The following BAZ2B variants were observed in gnomAD, a reference collection of about 807,000 sequenced individuals.
The protein encoded by BAZ2B is bromodomain adjacent to zinc finger domain protein 2B.
A neutral mutation model predicts 246.0 loss-of-function variants in BAZ2B; 91 were observed. The ratio of observed to expected loss-of-function variants is 0.37; its 90% CI spans 0.31 to 0.44. The LOEUF is 0.44. Ranked by LOEUF, BAZ2B falls within the 20% of genes least tolerant of loss-of-function variation. The pLI, the probability that BAZ2B is intolerant of heterozygous loss-of-function variation, is 1.00. For missense variants in BAZ2B, 2,332 were observed against 2,533.7 expected (o/e 0.92, Z 1.71); for synonymous variants, 855 against 860.0 (o/e 0.99, Z 0.10).
chr2:159,674,282 C>T, the BAZ2B span, among the ~76,000 whole-genome samples: 1 of 143,630 alleles, frequency 7.0e-6, no homozygotes, highest in African/African-American at 2.6e-5. Flanking sequence ...CTGCAGTAAG[C>T]TGTGATCACA....
At chr2:159,449,448 G>A (rs766019165) in intron 4 of BAZ2B, among the ~76,000 whole-genome samples, 4 of 152,086 alleles carry the variant, frequency 2.6e-5, no homozygotes, top group Non-Finnish European at 5.9e-5. Flanking sequence ...AAAATTGTCA[G>A]TCTTTATATT....
chr2:159,580,074 T>C (rs903006600), intron 1 of BAZ2B, among the ~76,000 whole-genome samples: 13 of 152,138 alleles, frequency 8.5e-5, no homozygotes, highest in African/African-American at 2.9e-4. Context: ...GCCAGGGCAA[T>C]CAGGCAGGAG....
chr2:159,382,892 CCTT>C (rs1559191513), intron 24 of BAZ2B, 90 bp from the exon 25 acceptor site: 30 of 1,471,836 alleles, frequency 2.0e-5, no homozygotes, highest in Non-Finnish European at 2.6e-5. Flanking sequence ...TGCAAAAATA[CCTT>C]ATGGCATTTC....
chr2:159,356,201 C>T (rs1042834695), intron 27 of BAZ2B, among the ~76,000 whole-genome samples: 1 of 152,118 alleles, frequency 6.6e-6, no homozygotes, highest in African/African-American at 2.4e-5. Context: ...CTCGGTGGAT[C>T]CCACCCTCAC....
intron 2 of BAZ2B, among the ~76,000 whole-genome samples, chr2:159,519,837 G>C (rs1027705950): frequency 3.9e-5 from 3 of 77,546 alleles, no homozygotes; most frequent in Admixed American, 3.5e-4. Context: ...CTTTTTAACT[G>C]AAATGAGTTC....
chr2:159,542,108 A>T (rs1325768940), intron 2 of BAZ2B, among the ~76,000 whole-genome samples: 1 of 152,244 alleles, frequency 6.6e-6, no homozygotes, highest in African/African-American at 2.4e-5. Flanking sequence ...ACTTGAAGAT[A>T]GGTCAACTGA....
intron 25 of BAZ2B, among the ~76,000 whole-genome samples, chr2:159,375,239 T>C (rs1158458563): frequency 1.3e-5 from 2 of 151,828 alleles, no homozygotes; most frequent in Non-Finnish European, 2.9e-5. Context: ...ACACACACAA[T>C]AAACTCCCCC....
At chr2:159,329,306 G>A (rs1198678832) in intron 34 of BAZ2B, among the ~76,000 whole-genome samples, 3 of 152,076 alleles carry the variant, frequency 2.0e-5, no homozygotes, top group Non-Finnish European at 2.9e-5. Context: ...ATCTAGAGAT[G>A]ACTTAAAGTA....
intron 1 of BAZ2B, among the ~76,000 whole-genome samples, chr2:159,567,647 CAT>C (rs1485385314): frequency 6.6e-5 from 10 of 152,238 alleles, no homozygotes; most frequent in South Asian, 2.1e-4. Context: ...CAGTATTCCA[CAT>C]GTTTCAGGTA....
Position 159,433,161 on chromosome 2 carries a change from T to C in BAZ2B, c.1496A>G (p.Gln499Arg), listed in dbSNP as rs1333152100. 6.2e-7 allele frequency: 1 copy of C among 1,614,204 alleles called. No individual in the cohort carries two copies. Among genetic ancestry groups the C allele is most frequent in the South Asian group, 1.1e-5 (1 of 91,088 alleles). ...TAGAGGAGCTTCTTGAATGACACTT[T>C]GAATAACTCCATTTGGTTGGTGATT... ...LGNHQPNGVI[Q>R]SVIQEAPLAL... Residue 499 changes from glutamine to arginine, a missense_variant, in exon 9 of 37, where the codon CAA becomes CGA. This residue lies in a region of BAZ2B where 651 missense variants were observed against 650.9 expected (regional missense o/e 1.00). Coordinates refer to ENST00000392783, the MANE Select transcript of BAZ2B (RefSeq NM_013450.4).
intron 2 of BAZ2B, among the ~76,000 whole-genome samples, chr2:159,503,926 C>G (rs1396204359): frequency 3.3e-5 from 5 of 152,100 alleles, no homozygotes; most frequent in Admixed American, 2.6e-4. Flanking sequence ...TTCAAAAGTT[C>G]CCACAAAGTA....
the BAZ2B span, among the ~76,000 whole-genome samples, chr2:159,633,405 G>C: frequency 6.6e-6 from 1 of 152,174 alleles, no homozygotes. Flanking sequence ...ACAGGCGAAG[G>C]AGAATACATA....
intron 6 of BAZ2B, among the ~76,000 whole-genome samples, chr2:159,440,199 G>A (rs939700848): frequency 6.6e-6 from 1 of 152,158 alleles, no homozygotes; most frequent in Admixed American, 6.5e-5. Flanking sequence ...GAGAAACATT[G>A]AAATGATGGA....
At chr2:159,407,432 A>G (rs2066133921) in intron 14 of BAZ2B, among the ~76,000 whole-genome samples, 1 of 152,122 alleles carries the variant, frequency 6.6e-6, no homozygotes, top group African/African-American at 2.4e-5. Context: ...AGATTGCACC[A>G]CTGCACTCCA....
chr2:159,486,672 T>A (rs2150988833), intron 2 of BAZ2B, among the ~76,000 whole-genome samples: 1 of 151,584 alleles, frequency 6.6e-6, no homozygotes. Flanking sequence ...TACTCAAAAG[T>A]CTTCAAAGGA....
At chr2:159,678,630 G>A in the BAZ2B span, among the ~76,000 whole-genome samples, 1 of 152,164 alleles carries the variant, frequency 6.6e-6, no homozygotes, top group Non-Finnish European at 1.5e-5. Context: ...ACCACCTTGT[G>A]TCAAAAAAAT....
chr2:159,540,830 A>G (rs1002248326), intron 2 of BAZ2B, among the ~76,000 whole-genome samples: 1 of 152,206 alleles, frequency 6.6e-6, no homozygotes, highest in Admixed American at 6.5e-5. Context: ...AAATCATAAG[A>G]ATAGATCAAA....
the BAZ2B span, among the ~76,000 whole-genome samples, chr2:159,648,169 ACT>A: frequency 6.6e-6 from 1 of 151,824 alleles, no homozygotes; most frequent in African/African-American, 2.4e-5. Context: ...AAAGAGTCTC[ACT>A]CTGTCATCCA....
chr2:159,374,300 A>G (rs78259020), intron 26 of BAZ2B, among the ~76,000 whole-genome samples: 2 of 152,286 alleles, frequency 1.3e-5, no homozygotes, highest in African/African-American at 2.4e-5. Flanking sequence ...AATAAAACCT[A>G]AGATGCTGAA....
Sources: gnomAD v4.1 joint callset for allele counts (sites outside exome capture counted in the v4.1 genomes callset) on GRCh38, gnomAD v4.1.1 for gene constraint, gnomAD v4.1.1 regional missense constraint, MANE v1.5 for transcripts, NCBI Gene and HGNC (gene_info 2026-07-23, HGNC 2026-07-21) for gene names.